LIMCH1: variants seen among roughly 807,000 people sequenced by gnomAD.
LIMCH1 encodes the protein LIM and calponin homology domains-containing protein 1.
LIMCH1 carries 113 observed loss-of-function variants against 176.5 expected under a neutral mutation model. The ratio of observed to expected loss-of-function variants is 0.64; its 90% confidence interval spans 0.55 to 0.75. The LOEUF is 0.75. Among genes scored for constraint, LIMCH1 ranks in the 30% least tolerant of loss-of-function variants. The pLI is 0.00. For synonymous variants in LIMCH1, 619 were observed against 645.9 expected, an observed-to-expected ratio of 0.96 and a Z score of 0.63; for missense variants, 1,674 against 1,814.9, an observed-to-expected ratio of 0.92 and a Z score of 1.41.
At chr4:41,565,368 CACACACACACACACAT>C (rs1369399074) in intron 1 of LIMCH1, among the ~76,000 whole-genome samples, 3 of 147,434 alleles carry the variant, frequency 2.0e-5, no homozygotes, top group African/African-American at 5.3e-5. Flanking sequence ...CACACACACA[CACACACACACACACAT>C]ACACACACAC....
At position 41,538,334 on chromosome 4, in the gene LIMCH1, C is replaced by G. The variant is rs1353136088; in HGVS notation, c.-257C>G. 2 of 985,176 alleles carry G rather than the reference C, an allele frequency of 2.0e-6. No individual in the cohort carries two copies. Among genetic ancestry groups the G allele is most frequent in the Non-Finnish European group, 2.4e-6 (2 of 829,916 alleles). 61.0% of individuals were successfully genotyped at this position (985,176 alleles called of 1,614,324 possible). ...GGGTTGGCTGGAGTTCATTGCGGAG[C>G]ATGAGGACGTGTGGGGGTAAGTAAA... On this transcript the variant is annotated 5_prime_UTR_variant, in exon 1 of 32. Transcript: ENST00000503057.
intron 1 of LIMCH1, among the ~76,000 whole-genome samples, chr4:41,492,087 C>A (rs1329278154): frequency 6.6e-6 from 1 of 152,178 alleles, no homozygotes; most frequent in African/African-American, 2.4e-5. Context: ...GCCGAGATCA[C>A]GCCACTGCAC....
chr4:41,669,871 G>C (rs1003951818), intron 21 of LIMCH1, among the ~76,000 whole-genome samples: 1 of 152,018 alleles, frequency 6.6e-6, no homozygotes. Context: ...AGGTATCCTG[G>C]AGCCACACCT....
At chr4:41,408,844 CCCCAACAAACTATTGCCA>C (rs1284251691) in intron 1 of LIMCH1, among the ~76,000 whole-genome samples, 14 of 152,160 alleles carry the variant, frequency 9.2e-5, no homozygotes, top group African/African-American at 3.4e-4. Context: ...CAACTATTGG[CCCCAACAAACTATTGCCA>C]TAGAATCTTC....
intron 5 of LIMCH1, among the ~76,000 whole-genome samples, chr4:41,615,535 T>A (rs1024494154): frequency 2.6e-5 from 4 of 152,190 alleles, no homozygotes. Flanking sequence ...CCCGATACCT[T>A]AAGGCTTATG....
At chr4:41,662,769 A>G in intron 19 of LIMCH1, 52 bp from the exon 20 acceptor site, 3 of 1,592,104 alleles carry the variant, frequency 1.9e-6, no homozygotes, top group South Asian at 1.1e-5. Flanking sequence ...GGTCCTATAG[A>G]TATTTGATTT....
intron 18 of LIMCH1, among the ~76,000 whole-genome samples, chr4:41,654,389 C>T (rs1337958680): frequency 6.6e-6 from 1 of 151,988 alleles, no homozygotes. Flanking sequence ...TGCCCAACCG[C>T]GAATGTAAGC....
At chr4:41,602,872 T>C (rs961579655) in intron 2 of LIMCH1, among the ~76,000 whole-genome samples, 4 of 152,036 alleles carry the variant, frequency 2.6e-5, no homozygotes, top group African/African-American at 9.7e-5. Context: ...CCATTTTTTT[T>C]CCTATTAAAA....
intron 1 of LIMCH1, among the ~76,000 whole-genome samples, chr4:41,585,155 A>G (rs1396147640): frequency 6.6e-6 from 1 of 152,158 alleles, no homozygotes; most frequent in Non-Finnish European, 1.5e-5. Context: ...CTTTTTCATC[A>G]TCACAAACTA....
At chr4:41,414,590 T>C (rs2059765966) in intron 1 of LIMCH1, among the ~76,000 whole-genome samples, 1 of 152,170 alleles carries the variant, frequency 6.6e-6, no homozygotes, top group African/African-American at 2.4e-5. Flanking sequence ...CCGTAAATTA[T>C]GCTGGACCTG....
chr4:41,549,666 C>T (rs950486729), intron 1 of LIMCH1, among the ~76,000 whole-genome samples: 1 of 152,074 alleles, frequency 6.6e-6, no homozygotes, highest in African/African-American at 2.4e-5. Context: ...CTCCTAACCA[C>T]CGTGTTCCAA....
At position 41,625,797 on chromosome 4, in the gene LIMCH1, G is replaced by A. The variant is rs2092912631; in HGVS notation, c.726-911G>A. 2.6e-5 allele frequency among the ~76,000 whole-genome samples: 4 copies of A among 152,126 alleles called. No homozygotes were observed. In the South Asian group the frequency reaches 8.3e-4, roughly 32 times the overall value. ...CCTGCTCAAATTGGCATCGCAAATT[G>A]GCAGGGTCATTTGCATAAATACGAA... On this transcript the variant is annotated intron_variant, in intron 7 of 31. Coordinates refer to ENST00000503057, the MANE Select transcript of LIMCH1 (RefSeq NM_001330672.2).
intron 3 of LIMCH1, among the ~76,000 whole-genome samples, chr4:41,532,147 G>T (rs1207274938): frequency 1.3e-5 from 2 of 152,182 alleles, no homozygotes; most frequent in African/African-American, 4.8e-5. Flanking sequence ...GTCTAGCCAT[G>T]AAAGACTACA....
chr4:41,632,857 G>A lies in LIMCH1; in HGVS notation c.1710G>A (p.Gly570=), dbSNP rs1000280541. ...WVCSLGECPR[G]TEEVTSKQLP... is the part of the protein sequence containing the mutation. ...GCAGTTTGGGCGAGTGCCCGAGGGG[G>A]ACAGAGGAAGGTGAGGAGCAGTGTT... The change falls in exon 11 of 32, where the codon GGG becomes GGA. Residue 570 remains glycine, a synonymous_variant. Transcript: ENST00000503057. The A allele has an allele frequency of 1.3e-6, 2 of 1,536,030 alleles. No homozygotes were observed. The highest frequency in any genetic ancestry group is 2.7e-5 in the African/African-American group (2 of 73,050).
At chr4:41,621,926 T>G (rs1248426279) in intron 7 of LIMCH1, among the ~76,000 whole-genome samples, 1 of 152,070 alleles carries the variant, frequency 6.6e-6, no homozygotes, top group African/African-American at 2.4e-5. Context: ...AGGTCTTAAT[T>G]AAATATCCAG....
chr4:41,407,422 G>A (rs1451750021), intron 1 of LIMCH1, among the ~76,000 whole-genome samples: 1 of 152,124 alleles, frequency 6.6e-6, no homozygotes, highest in African/African-American at 2.4e-5. Flanking sequence ...TAGAGAGGAG[G>A]TCTCACTATG....
intron 21 of LIMCH1, among the ~76,000 whole-genome samples, chr4:41,667,076 G>A (rs2152996822): frequency 6.6e-6 from 1 of 151,560 alleles, no homozygotes; most frequent in African/African-American, 2.4e-5. Flanking sequence ...CACTGCACTC[G>A]AGCCTGGTGA....
chr4:41,360,880 C>T lies in LIMCH1; in HGVS notation c.40C>T (p.Leu14=). The T allele has an allele frequency of 6.3e-7, 1 of 1,586,688 alleles. No homozygotes were observed. The highest frequency in any genetic ancestry group is 8.5e-7 in the Non-Finnish European group (1 of 1,169,810). Residue 14 remains leucine, a synonymous_variant, in exon 1 of 27, where the codon CTG becomes TTG. Coordinates refer to the LIMCH1 transcript ENST00000313860. The surrounding 1 kb of genome is among the most constrained non-coding windows in gnomAD (Gnocchi z 4.5). ...TCTCGGTCTGGAAGCTCTTCAGCCC[C>T]TGCAGCCCGAGCCGCCCCCCGAGCC...
At position 41,697,221 on chromosome 4, in the gene LIMCH1, T is replaced by C. The variant is rs1223661474; in HGVS notation, c.*36T>C. 6.2e-7 allele frequency: 1 copy of C among 1,606,054 alleles called. No homozygotes were observed. Among genetic ancestry groups the C allele is most frequent in the African/African-American group, 1.3e-5 (1 of 74,838 alleles). On this transcript the variant is annotated 3_prime_UTR_variant, in exon 32 of 32. Coordinates refer to ENST00000503057, the MANE Select transcript of LIMCH1 (RefSeq NM_001330672.2). ...AAGCTTCCGGATCACTCACCATTTC[T>C]TTACTGAGAGTGTCCCCTGGCAACT...
Sources: allele counts gnomAD v4.1 joint callset (sites outside exome capture counted in the v4.1 genomes callset), GRCh38; gene constraint gnomAD v4.1.1; non-coding constraint Gnocchi (gnomAD v3.1); transcripts MANE v1.5; gene names NCBI Gene and HGNC (gene_info 2026-07-23, HGNC 2026-07-21).